PIF1: variants seen among roughly 807,000 people sequenced by gnomAD.
The protein encoded by PIF1 is ATP-dependent DNA helicase PIF1.
Under a neutral mutation model 62.3 loss-of-function variants are expected in PIF1, and 67 were observed. The ratio of observed to expected loss-of-function variants is 1.08; its 90% CI spans 0.88 to 1.32. The LOEUF is 1.32. Among genes scored for constraint, PIF1 ranks in the 40% most tolerant of loss-of-function variants. The pLI is 0.00. For missense variants in PIF1, 886 were observed against 866.1 expected (o/e 1.02, Z -0.29); for synonymous variants, 364 against 379.5 (o/e 0.96, Z 0.47).
chr15:64,818,700 C>G, intron 9 of PIF1: 1 of 326,954 alleles, frequency 3.1e-6, no homozygotes, highest in South Asian at 4.1e-5. Context: ...TGCCACCCCT[C>G]TCAGATACAC....
intron 7 of PIF1, among the ~76,000 whole-genome samples, chr15:64,820,353 T>G (rs8041527): frequency 0.56 from 85,523 of 152,094 alleles, 24,944 homozygotes; most frequent in East Asian, 0.89. Flanking sequence ...CAATCTTCTA[T>G]CCACTTGCCT....
chr15:64,823,947 G>C lies in PIF1; in HGVS notation c.389C>G (p.Pro130Arg). ...CTGCGCTCGGGCGGAGGCCGGCCCG[G>C]GACCCGGGGCCGCAGCCAGCTTGAG... is the stretch of plus-strand genomic sequence containing the variant. ...LRLKLAAAPG[P>R]GPASARAQLL... Residue 130 changes from proline (P) to arginine (R), a missense_variant, in exon 2 of 13, where the codon CCC becomes CGC. Physicochemically the swap from Pro to Arg is moderately radical, Grantham distance 103. Coordinates refer to ENST00000559239, the MANE Select transcript of PIF1 (RefSeq NM_001286496.2). 1.5e-6 allele frequency: 2 copies of C among 1,309,898 alleles called. No individual in the cohort carries two copies. Among genetic ancestry groups the C allele is most frequent in the Middle Eastern group, 4.6e-4 (2 of 4,332 alleles). 81.1% of individuals were successfully genotyped at this position (1,309,898 alleles called of 1,614,324 possible).
chr15:64,816,847 C>G, intron 11 of PIF1, 82 bp from the exon 12 acceptor site: 1 of 1,287,536 alleles, frequency 7.8e-7, no homozygotes, highest in Non-Finnish European at 1.1e-6. Flanking sequence ...ACCAGCCCTG[C>G]TACTGCCCCT....
intron 12 of PIF1, 45 bp from the exon 13 acceptor site, chr15:64,816,402 C>G (rs764519138): frequency 1.9e-6 from 3 of 1,612,582 alleles, no homozygotes; most frequent in South Asian, 2.2e-5. Context: ...TGTGCTGTTC[C>G]CCAGGACCAT....
rs1370548788 is a variant in PIF1, at chr15:64,824,135, G to A, written c.201C>T (p.Arg67=). ...GGCGCGCGGCGCGCAGAGGAAAGCA[G>A]CGCGGCCGCCCCGCGGGCCCTGGCG... The part of the protein sequence containing the change: ...LQAPGPAGRP[R]CFPLRAARLF... Residue 67 remains arginine, a synonymous_variant, in exon 2 of 13, where the codon CGC becomes CGT. Transcript: ENST00000559239. 1 of 1,285,764 alleles carries A rather than the reference G, an allele frequency of 7.8e-7. No individual in the cohort carries two copies. The highest frequency in any genetic ancestry group is 9.8e-7 in the Non-Finnish European group (1 of 1,018,654). The allele number at this position is 1,285,764 out of a possible 1,614,324, so 79.6% of individuals were successfully genotyped here.
chr15:64,826,746 A>G (rs2084377139), upstream of PIF1, among the ~76,000 whole-genome samples: 1 of 140,742 alleles, frequency 7.1e-6, no homozygotes. Flanking sequence ...ATATACACAC[A>G]CATATATATA....
In PIF1 at chr15:64,823,802, G is replaced by A. The variant is rs762259681; in HGVS notation, c.534C>T (p.Pro178=). The change falls in exon 2 of 13, where the codon CCC becomes CCT. Residue 178 remains proline (P), a synonymous_variant. Coordinates refer to ENST00000559239, the MANE Select transcript of PIF1 (RefSeq NM_001286496.2). ...CTGTGCTAGGCTCGGCCCCAGCCTG[G>A]GGCTCCACAGGCCGCTTCACCAGCG... ...DTTLVKRPVE[P]QAGAEPSTEA... 2 of 1,344,704 alleles carry A rather than the reference G, an allele frequency of 1.5e-6. No individual in the cohort carries two copies. Among genetic ancestry groups the A allele is most frequent in the East Asian group, 2.8e-5 (1 of 35,896 alleles). 83.3% of individuals were successfully genotyped at this position (1,344,704 alleles called of 1,614,324 possible). A position where few individuals can be genotyped will look rare whatever the true frequency, so the allele number is the denominator to read the frequency against.
intron 2 of PIF1, among the ~76,000 whole-genome samples, chr15:64,823,094 CT>C (rs1180339163): frequency 3.3e-5 from 5 of 150,922 alleles, no homozygotes; most frequent in Non-Finnish European, 5.9e-5. Context: ...ACCCACCAGA[CT>C]TTTTTCCCCT....
At chr15:64,816,852 G>A in intron 11 of PIF1, 87 bp from the exon 12 acceptor site, 1 of 1,256,428 alleles carries the variant, frequency 8.0e-7, no homozygotes, top group Non-Finnish European at 1.1e-6. Flanking sequence ...CCCTGCTACT[G>A]CCCCTGGATC....
chr15:64,819,061 A>C (rs2084240866), intron 9 of PIF1, 56 bp downstream of exon 9: 9 of 1,351,216 alleles, frequency 6.7e-6, no homozygotes, highest in Non-Finnish European at 8.0e-6. Flanking sequence ...AGGGATCAGC[A>C]AGGCCCATGC....
At chr15:64,819,424 A>G (rs1300584389) in intron 8 of PIF1, among the ~76,000 whole-genome samples, 1 of 152,104 alleles carries the variant, frequency 6.6e-6, no homozygotes, top group Non-Finnish European at 1.5e-5. Context: ...AATTCTCCTC[A>G]GCCTCCCGAA....
Position 64,824,001 on chromosome 15 carries a change from C to A in PIF1, c.335G>T (p.Arg112Leu). Residue 112 changes from arginine to leucine, a missense_variant, in exon 2 of 13, where the codon CGC becomes CTC. By Grantham distance (102) the Arg-to-Leu change is moderately radical. Transcript: ENST00000559239. ...CAATGTGCGCAGGAAGCGGCGCAGG[C>A]GGTCTGGGGGGCAGTCCGAGAGCAG... ...QLLLSDCPPD[R>L]LRRFLRTLRL... 1 of 1,297,842 alleles carries A rather than the reference C, an allele frequency of 7.7e-7. No homozygotes were observed. Among genetic ancestry groups the A allele is most frequent in the Non-Finnish European group, 9.8e-7 (1 of 1,023,212 alleles). The allele number at this position is 1,297,842 out of a possible 1,614,324, so 80.4% of individuals were successfully genotyped here.
chr15:64,824,825 AATACATACATAT>A (rs1335548731), intron 1 of PIF1, among the ~76,000 whole-genome samples: 3 of 149,414 alleles, frequency 2.0e-5, no homozygotes, highest in Non-Finnish European at 3.0e-5. Flanking sequence ...TTAAAAAAAA[AATACATACATAT>A]AAATACATAC....
In PIF1 at chr15:64,816,057, A is replaced by G; in HGVS notation, c.*241T>C. On this transcript the variant is annotated 3_prime_UTR_variant, in exon 13 of 13. Transcript: ENST00000559239. ...AGGCTCATTCTCAACTGGCACAGAA[A>G]GGGTTACTTCTGACCCTACAGCAGC... The G allele has an allele frequency of 6.8e-7, 1 of 1,461,286 alleles. No homozygotes were observed. The highest frequency in any genetic ancestry group is 9.0e-7 in the Non-Finnish European group (1 of 1,111,334). 90.5% of individuals were successfully genotyped at this position (1,461,286 alleles called of 1,614,324 possible). A position where few individuals can be genotyped will look rare whatever the true frequency, so the allele number is the denominator to read the frequency against.
intron 7 of PIF1, 70 bp from the exon 8 acceptor site, chr15:64,820,056 G>A: frequency 6.4e-7 from 1 of 1,556,174 alleles, no homozygotes; most frequent in Non-Finnish European, 8.7e-7. Context: ...TGGGCAGGAT[G>A]GCTCAAGCAG....
intron 7 of PIF1, among the ~76,000 whole-genome samples, 185 bp downstream of exon 7, chr15:64,820,797 T>C (rs1488531078): frequency 2.0e-5 from 3 of 152,198 alleles, no homozygotes; most frequent in African/African-American, 7.2e-5. Context: ...TATGGTGCCA[T>C]GATGGTCTTG....
intron 4 of PIF1, 172 bp from the exon 5 acceptor site, chr15:64,821,692 C>T (rs1006139831): frequency 6.0e-6 from 4 of 667,610 alleles, no homozygotes; most frequent in African/African-American, 1.8e-5. Flanking sequence ...CCACCTCAAC[C>T]TCCATAGTAG....
At position 64,818,261 on chromosome 15, in the gene PIF1, C is replaced by G. The variant is rs1418834984; in HGVS notation, c.1524G>C (p.Gly508=). Residue 508 remains glycine (G), a synonymous_variant, in exon 10 of 13, where the codon GGG becomes GGC. Coordinates refer to ENST00000559239, the MANE Select transcript of PIF1 (RefSeq NM_001286496.2). ...RGVVVGFEAE[G]RGLPQVRFLC... Reference sequence around the variant, plus strand: ...CCACCTCCTCCCAACACTTACCTCTCCCTTCTGCCTCGAACCCAACTACCA... The same window carrying G: ...CCACCTCCTCCCAACACTTACCTCTGCCTTCTGCCTCGAACCCAACTACCA... 1 of 1,614,180 alleles carries G rather than the reference C, an allele frequency of 6.2e-7. No individual in the cohort carries two copies. Among genetic ancestry groups the G allele is most frequent in the Admixed American group, 1.7e-5 (1 of 60,026 alleles).
upstream of PIF1, chr15:64,825,658 AT>A (rs1442447588): frequency 1.3e-5 from 2 of 152,094 alleles, no homozygotes; most frequent in African/African-American, 4.8e-5. Flanking sequence ...GAAACTAGAA[AT>A]TTTTCAAATG....
Sources: allele counts gnomAD v4.1 joint callset (sites outside exome capture counted in the v4.1 genomes callset), GRCh38; gene constraint gnomAD v4.1.1; transcripts MANE v1.5; gene names NCBI Gene and HGNC (gene_info 2026-07-23, HGNC 2026-07-21).